TBC1D30: variants seen among roughly 807,000 people sequenced by gnomAD.
TBC1D30 encodes the protein TBC1 domain family, member 30.
Under a neutral mutation model 63.2 loss-of-function variants are expected in TBC1D30, and 31 were observed. The observed-to-expected ratio is 0.49, with a 90% CI of 0.37 to 0.66. The LOEUF (loss-of-function observed/expected upper bound fraction) is 0.66, where lower values mean the gene tolerates loss of function less well. TBC1D30 is among the 30% of genes least tolerant of loss of function. TBC1D30 has a pLI of 0.00. For missense variants in TBC1D30, 810 were observed against 953.6 expected (o/e 0.85, Z 1.98); for synonymous variants, 307 against 361.5 (o/e 0.85, Z 1.71).
At chr12:64,833,302 G>T (rs1204623260) in intron 5 of TBC1D30, among the ~76,000 whole-genome samples, 1 of 152,250 alleles carries the variant, frequency 6.6e-6, no homozygotes, top group Admixed American at 6.5e-5. Context: ...AAAACATGTT[G>T]AGATGGGGCA....
intron 8 of TBC1D30, among the ~76,000 whole-genome samples, chr12:64,847,065 C>G (rs1378709597): frequency 3.3e-5 from 5 of 152,002 alleles, no homozygotes; most frequent in Non-Finnish European, 7.4e-5. Context: ...AGTCTTGTTA[C>G]TTGTTATTGG....
chr12:64,856,242 C>T (rs1331979797), intron 8 of TBC1D30, among the ~76,000 whole-genome samples: 1 of 152,188 alleles, frequency 6.6e-6, no homozygotes, highest in Non-Finnish European at 1.5e-5. Context: ...TCACTTATCA[C>T]CAAGGGAATG....
chr12:64,875,140 A>T lies in TBC1D30; in HGVS notation c.1638A>T (p.Gly546=). 1 of 1,536,440 alleles carries T rather than the reference A, an allele frequency of 6.5e-7. No homozygotes were observed. Residue 546 remains glycine (G), a synonymous_variant, in exon 12 of 12, where the codon GGA becomes GGT. Coordinates refer to ENST00000539867, the MANE Select transcript of TBC1D30 (RefSeq NM_015279.2). The part of the protein sequence containing the change: ...NAVIHIPGHT[G]GKISPVPYED... ...TCATCCACATCCCTGGTCACACAGG[A>T]GGGAAAATATCTCCTGTCCCCTACG...
chr12:64,848,948 C>T (rs2136419549), intron 8 of TBC1D30, among the ~76,000 whole-genome samples: 1 of 152,300 alleles, frequency 6.6e-6, no homozygotes, highest in East Asian at 1.9e-4. Flanking sequence ...TGTTTCCTGA[C>T]TTTTTAATGA....
At chr12:64,836,427 T>G (rs923811681) in intron 5 of TBC1D30, 63 bp from the exon 6 acceptor site, 1 of 1,331,674 alleles carries the variant, frequency 7.5e-7, no homozygotes, top group Admixed American at 2.2e-5. Context: ...TATTTTCTCT[T>G]TAGGACGTGT....
At chr12:64,863,435 CCTT>C (rs1238431807) in intron 8 of TBC1D30, among the ~76,000 whole-genome samples, 2 of 152,202 alleles carry the variant, frequency 1.3e-5, no homozygotes, top group South Asian at 2.1e-4. Context: ...AACCTGTACT[CCTT>C]CTCAGCCTTT....
intron 1 of TBC1D30, among the ~76,000 whole-genome samples, chr12:64,762,093 G>T (rs141881959): frequency 0.012 from 1,892 of 152,316 alleles, 14 homozygotes; most frequent in Middle Eastern, 0.054. Context: ...GTGCCCTGAG[G>T]AAGTGATCTT....
At chr12:64,852,151 C>T (rs780455732) in intron 8 of TBC1D30, among the ~76,000 whole-genome samples, 4 of 152,174 alleles carry the variant, frequency 2.6e-5, no homozygotes, top group African/African-American at 9.7e-5. Flanking sequence ...CTTTCAGGTA[C>T]ACCACTCAAA....
chr12:64,759,767 A>C (rs1392203823), intron 1 of TBC1D30: 1 of 162,958 alleles, frequency 6.1e-6, no homozygotes, highest in Non-Finnish European at 1.3e-5. Flanking sequence ...AAGAGTTGGC[A>C]AATACTAACC....
chr12:64,859,208 G>A (rs935845358), intron 8 of TBC1D30, among the ~76,000 whole-genome samples: 1 of 152,072 alleles, frequency 6.6e-6, no homozygotes, highest in Non-Finnish European at 1.5e-5. Context: ...ATGTGTCAAG[G>A]TCTGTTGATA....
At chr12:64,825,345 C>G in intron 1 of TBC1D30, 1 of 343,962 alleles carries the variant, frequency 2.9e-6, no homozygotes, top group Non-Finnish European at 5.3e-6. Context: ...CGGGTGGCTG[C>G]CCGGGCCCTC....
At chr12:64,838,640 A>T in intron 6 of TBC1D30, 43 bp from the exon 7 acceptor site, 1 of 1,529,698 alleles carries the variant, frequency 6.5e-7, no homozygotes, top group Non-Finnish European at 8.8e-7. Flanking sequence ...TATGCTGCCA[A>T]TCATCAGTTC....
At chr12:64,850,452 C>T (rs764984233) in intron 8 of TBC1D30, among the ~76,000 whole-genome samples, 4 of 152,148 alleles carry the variant, frequency 2.6e-5, no homozygotes, top group Non-Finnish European at 5.9e-5. Context: ...TACATTCCAT[C>T]AATACCTAGT....
intron 9 of TBC1D30, among the ~76,000 whole-genome samples, chr12:64,864,993 G>A (rs1172718518): frequency 1.3e-5 from 2 of 151,908 alleles, no homozygotes; most frequent in Non-Finnish European, 2.9e-5. Context: ...ACTGAAGAGA[G>A]ATTTAGCAAC....
At chr12:64,819,688 G>T (rs1873773644), upstream of TBC1D30, among the ~76,000 whole-genome samples, 1 of 152,112 alleles carries the variant, frequency 6.6e-6, no homozygotes, top group Admixed American at 6.5e-5. Context: ...CGGCCTTGAA[G>T]GAACTACTTG....
At chr12:64,860,154 T>A (rs942345898) in intron 8 of TBC1D30, among the ~76,000 whole-genome samples, 3 of 151,440 alleles carry the variant, frequency 2.0e-5, no homozygotes, top group Non-Finnish European at 4.4e-5. Flanking sequence ...AGTAACTGAG[T>A]CTACAGGCAT....
chr12:64,776,070 C>T (rs748060054), upstream of TBC1D30, among the ~76,000 whole-genome samples: 63 of 152,138 alleles, frequency 4.1e-4, no homozygotes, highest in Non-Finnish European at 8.2e-4. Flanking sequence ...AGAAGCTCTT[C>T]GAAACTAATG....
chr12:64,832,361 A>G, intron 5 of TBC1D30, 57 bp downstream of exon 5: 1 of 1,464,374 alleles, frequency 6.8e-7, no homozygotes, highest in Non-Finnish European at 9.2e-7. Flanking sequence ...GAGAAATTGG[A>G]ACCATAATTT....
chr12:64,775,786 G>A (rs112929394), upstream of TBC1D30, among the ~76,000 whole-genome samples: 1 of 151,866 alleles, frequency 6.6e-6, no homozygotes, highest in Non-Finnish European at 1.5e-5. Flanking sequence ...GGACCTGATA[G>A]ATATCTACAG....
Sources: gnomAD v4.1 joint callset for allele counts (sites outside exome capture counted in the v4.1 genomes callset) on GRCh38, gnomAD v4.1.1 for gene constraint, MANE v1.5 for transcripts, NCBI Gene and HGNC (gene_info 2026-07-23, HGNC 2026-07-21) for gene names.